The following KIAA1549L variants were observed in gnomAD, a reference collection of about 807,000 sequenced individuals.
The protein encoded by KIAA1549L is UPF0606 protein KIAA1549L.
A neutral mutation model predicts 160.7 loss-of-function variants in KIAA1549L; 88 were observed. The ratio of observed to expected loss-of-function variants is 0.55; its 90% CI spans 0.46 to 0.65. KIAA1549L has a LOEUF of 0.65. Ranked by LOEUF, KIAA1549L falls within the 30% of genes least tolerant of loss-of-function variation. KIAA1549L has a pLI of 0.00. For synonymous variants in KIAA1549L, 950 were observed against 976.7 expected (o/e 0.97, Z 0.51); for missense variants, 2,258 against 2,437.5 (o/e 0.93, Z 1.55).
intron 16 of KIAA1549L, among the ~76,000 whole-genome samples, chr11:33,624,373 T>TA (rs534381507): frequency 3.4e-4 from 52 of 152,266 alleles, no homozygotes; most frequent in African/African-American, 1.3e-3. Context: ...ACTAGTTCCT[T>TA]ACAATCCTAT....
intron 13 of KIAA1549L, among the ~76,000 whole-genome samples, chr11:33,604,832 C>G (rs1850455632): frequency 6.6e-6 from 1 of 152,050 alleles, no homozygotes; most frequent in Middle Eastern, 3.2e-3. Flanking sequence ...GGATAAAAGA[C>G]TACATATTGG....
intron 1 of KIAA1549L, among the ~76,000 whole-genome samples, chr11:33,387,155 C>T (rs1850189868): frequency 6.6e-6 from 1 of 152,016 alleles, no homozygotes; most frequent in South Asian, 2.1e-4. Flanking sequence ...GAAGTATTCC[C>T]ACTTCTGCTT....
At chr11:33,572,254 C>G (rs1413560817) in intron 9 of KIAA1549L, among the ~76,000 whole-genome samples, 1 of 152,066 alleles carries the variant, frequency 6.6e-6, no homozygotes, top group Non-Finnish European at 1.5e-5. Context: ...TCAGGGTGGT[C>G]TCGAACTCCT....
intron 1 of KIAA1549L, among the ~76,000 whole-genome samples, chr11:33,504,851 C>T (rs560651698): frequency 1.3e-5 from 2 of 152,302 alleles, no homozygotes; most frequent in Non-Finnish European, 2.9e-5. Flanking sequence ...ACTGCAGCCT[C>T]AACCTCCCGG....
intron 1 of KIAA1549L, among the ~76,000 whole-genome samples, chr11:33,523,244 GAAAC>G (rs1398057062): frequency 2.6e-5 from 4 of 152,104 alleles, no homozygotes; most frequent in Admixed American, 2.0e-4. Flanking sequence ...ACACAAAAAA[GAAAC>G]AAGAAGAAAG....
chr11:33,402,900 G>A (rs1343215011), intron 1 of KIAA1549L, among the ~76,000 whole-genome samples: 1 of 152,146 alleles, frequency 6.6e-6, no homozygotes, highest in Admixed American at 6.5e-5. Flanking sequence ...CCCTGCTCTA[G>A]TCCTTGTACC....
At chr11:33,435,814 G>A (rs1240259836) in intron 1 of KIAA1549L, among the ~76,000 whole-genome samples, 4,442 of 32,024 alleles carry the variant, frequency 0.14, 938 homozygotes, top group African/African-American at 0.35. Context: ...ATATATATGT[G>A]TGTGTATATA....
chr11:33,668,099 A>G lies in KIAA1549L; in HGVS notation c.6386A>G (p.Glu2129Gly). The G allele has an allele frequency of 1.2e-6, 2 of 1,613,980 alleles. No homozygotes were observed. Among genetic ancestry groups the G allele is most frequent in the Non-Finnish European group, 1.7e-6 (2 of 1,179,892 alleles). ...STAALVKAIREEVAKLAKKQT... is the reference protein window; with the variant it reads ...STAALVKAIRGEVAKLAKKQT... ...GCGGCCCTTGTGAAGGCCATCCGGG[A>G]GGAGGTGGCCAAGCTGGCCAAAAAA... The change falls in exon 21 of 21, where the codon GAG (glutamate) becomes GGG (glycine). Residue 2129 changes from glutamate to glycine, a missense_variant. Glu to Gly is a moderately conservative substitution (Grantham distance 98). Transcript: ENST00000658780.
intron 11 of KIAA1549L, among the ~76,000 whole-genome samples, chr11:33,590,027 C>G (rs1850002079): frequency 1.3e-5 from 2 of 152,058 alleles, no homozygotes; most frequent in African/African-American, 2.4e-5. Flanking sequence ...TCCATTTCAC[C>G]TGGACTATGA....
intron 1 of KIAA1549L, among the ~76,000 whole-genome samples, chr11:33,505,375 A>G (rs1015687681): frequency 7.9e-5 from 12 of 152,214 alleles, no homozygotes; most frequent in African/African-American, 2.7e-4. Context: ...ACTTTGCAGT[A>G]GTAAGCTCCT....
intron 1 of KIAA1549L, among the ~76,000 whole-genome samples, chr11:33,486,282 A>G (rs912008689): frequency 9.9e-5 from 15 of 152,188 alleles, no homozygotes; most frequent in African/African-American, 3.6e-4. Context: ...GGAAAACAGT[A>G]TGGAAGTTCC....
chr11:33,633,597 A>G (rs1328823722), intron 16 of KIAA1549L, among the ~76,000 whole-genome samples: 1 of 152,182 alleles, frequency 6.6e-6, no homozygotes, highest in Non-Finnish European at 1.5e-5. Context: ...CTCAGCTAAG[A>G]TGAAAAAAAG....
intron 1 of KIAA1549L, among the ~76,000 whole-genome samples, chr11:33,417,004 C>G (rs891269605): frequency 2.0e-5 from 3 of 152,200 alleles, no homozygotes; most frequent in Admixed American, 1.3e-4. Flanking sequence ...TAACTTGCTC[C>G]TCAAGAGAAC....
chr11:33,619,009 C>T (rs1449172824), intron 16 of KIAA1549L, among the ~76,000 whole-genome samples: 1 of 152,170 alleles, frequency 6.6e-6, no homozygotes, highest in African/African-American at 2.4e-5. Flanking sequence ...TTCACTTGAA[C>T]ACAGGCTTCT....
chr11:33,644,550 G>C (rs919269305), intron 16 of KIAA1549L, among the ~76,000 whole-genome samples: 6 of 152,210 alleles, frequency 3.9e-5, no homozygotes, highest in Non-Finnish European at 8.8e-5. Context: ...TTTTTACCAT[G>C]TGCTACTATT....
In KIAA1549L at chr11:33,668,314, T is replaced by C; in HGVS notation, c.*160T>C. 1 of 697,144 alleles carries C rather than the reference T, an allele frequency of 1.4e-6. No homozygotes were observed. Among genetic ancestry groups the C allele is most frequent in the Admixed American group, 2.9e-5 (1 of 34,368 alleles). 43.2% of individuals were successfully genotyped at this position (697,144 alleles called of 1,614,324 possible). A position where few individuals can be genotyped will look rare whatever the true frequency, so the allele number is the denominator to read the frequency against. ...TATGGGGCTTCTGGGAACAGGAAAC[T>C]CTTGAACGACTAGATTCTTGGCTCA... is the stretch of plus-strand genomic sequence containing the variant. On this transcript the variant is annotated 3_prime_UTR_variant, in exon 21 of 21. Coordinates refer to ENST00000658780, the MANE Select transcript of KIAA1549L (RefSeq NM_012194.3).
At chr11:33,439,085 C>G (rs184864142) in intron 1 of KIAA1549L, among the ~76,000 whole-genome samples, 3 of 152,032 alleles carry the variant, frequency 2.0e-5, no homozygotes, top group African/African-American at 7.2e-5. Flanking sequence ...TGTCACCACT[C>G]CTGGCTAATT....
At chr11:33,547,687 T>C (rs1452532056) in intron 3 of KIAA1549L, 77 bp from the exon 4 acceptor site, 5 of 875,172 alleles carry the variant, frequency 5.7e-6, no homozygotes, top group African/African-American at 3.3e-5. Flanking sequence ...AAGGTGGTGG[T>C]TGGGAGGAGC....
At chr11:33,660,796 C>A in intron 19 of KIAA1549L, 67 bp from the exon 20 acceptor site, 1 of 1,520,402 alleles carries the variant, frequency 6.6e-7, no homozygotes, top group South Asian at 1.2e-5. Context: ...CTTTATTTGG[C>A]TCTTGGGTGG....
Sources: gnomAD v4.1 joint callset for allele counts (sites outside exome capture counted in the v4.1 genomes callset) on GRCh38, gnomAD v4.1.1 for gene constraint, MANE v1.5 for transcripts, NCBI Gene and HGNC (gene_info 2026-07-23, HGNC 2026-07-21) for gene names.